Variants in PCDHGA2 observed in about 807,000 individuals in gnomAD.
PCDHGA2 encodes the protein protocadherin gamma subfamily A, 2, also known as protocadherin gamma-A2.
PCDHGA2 carries 40 observed loss-of-function variants against 59.2 expected under a neutral mutation model. The observed-to-expected ratio is 0.68, with a 90% CI of 0.52 to 0.88. PCDHGA2 has a LOEUF of 0.88. Among genes scored for constraint, PCDHGA2 ranks in the 40% least tolerant of loss-of-function variants. PCDHGA2 has a pLI of 0.00. For missense variants in PCDHGA2, 1,226 were observed against 1,204.0 expected (o/e 1.02, Z -0.27); for synonymous variants, 560 against 526.0 (o/e 1.06, Z -0.89).
rs751254595 is a variant in PCDHGA2, at chr5:141,340,295, G to A, written c.1324G>A (p.Val442Met). Residue 442 changes from valine to methionine, a missense_variant, in exon 1 of 4, where the codon GTG (valine) becomes ATG (methionine). Coordinates refer to ENST00000394576, the MANE Select transcript of PCDHGA2 (RefSeq NM_018915.4). ...CACGGATGCTCACATTTTGCTCCAG[G>A]TGGCAGACATCAACGACAACGCACC... ...LSTDAHILLQ[V>M]ADINDNAPAF... is the part of the protein sequence containing the mutation. 2 of 1,614,014 alleles carry A rather than the reference G, an allele frequency of 1.2e-6. No homozygotes were observed. The highest frequency in any genetic ancestry group is 1.7e-6 in the Non-Finnish European group (2 of 1,180,044).
intron 1 of PCDHGA2, chr5:141,359,976 C>G (rs1462412322): frequency 1.3e-6 from 1 of 793,442 alleles, no homozygotes; most frequent in Admixed American, 3.6e-5. Flanking sequence ...GTTTGGGAGC[C>G]TCTTAGAGGG....
chr5:141,398,448 G>A lies in PCDHGA2; in HGVS notation c.2424+57053G>A, dbSNP rs1213915296. On this transcript the variant is annotated intron_variant, in intron 1 of 3. Coordinates refer to ENST00000394576, the MANE Select transcript of PCDHGA2 (RefSeq NM_018915.4). ...AGCCAGCTTGTGCTCTGGAATTTGAGGCTGTTGCTGAAAATCCACTGAACT... is the reference window on the plus strand; with the variant it reads ...AGCCAGCTTGTGCTCTGGAATTTGAAGCTGTTGCTGAAAATCCACTGAACT... 2.5e-6 allele frequency: 4 copies of A among 1,574,288 alleles called. No individual in the cohort carries two copies. In the Middle Eastern group the frequency reaches 5.2e-4, roughly 203 times the overall value.
rs769153122 is a variant in PCDHGA2 at position 141,485,243 on chromosome 5, C to T, written c.2425-9564C>T. 8 of 1,614,062 alleles carry T rather than the reference C, an allele frequency of 5.0e-6. No homozygotes were observed. In the Admixed American group the frequency reaches 1.2e-4, roughly 24 times the overall value. ...TACCCTTTTGTTCCTCTTTTACCACCTGGGTTACGTTTGTGGGCAGATCCG... is the reference window on the plus strand; with the variant it reads ...TACCCTTTTGTTCCTCTTTTACCACTTGGGTTACGTTTGTGGGCAGATCCG... On this transcript the variant is annotated intron_variant, in intron 1 of 3. Transcript: ENST00000394576. The surrounding 1 kb of genome is among the most constrained non-coding windows in gnomAD (Gnocchi z 5.7).
intron 2 of PCDHGA2, among the ~76,000 whole-genome samples, chr5:141,502,866 C>CTCTTTTTT (rs1554188502): frequency 2.3e-5 from 3 of 128,046 alleles, no homozygotes; most frequent in Non-Finnish European, 3.2e-5. Flanking sequence ...GACTCTCTGT[C>CTCTTTTTT]TTTTTTTTTT....
chr5:141,404,490 T>G lies in PCDHGA2; in HGVS notation c.2424+63095T>G, dbSNP rs748668164. On this transcript the variant is annotated intron_variant, in intron 1 of 3. Transcript: ENST00000394576. Reference sequence around the variant, plus strand: ...GTCTCTATTAACTCAGACACTGGTGTGCTGTATGCTCTGTGCTCCTTTGAC... The same window carrying G: ...GTCTCTATTAACTCAGACACTGGTGGGCTGTATGCTCTGTGCTCCTTTGAC... 10 of 1,613,632 alleles carry G rather than the reference T, an allele frequency of 6.2e-6. No homozygotes were observed. The Admixed American group carries it at 1.2e-4, about 19-fold the overall frequency.
chr5:141,467,095 C>G (rs930625426), intron 1 of PCDHGA2, among the ~76,000 whole-genome samples: 2 of 150,094 alleles, frequency 1.3e-5, no homozygotes, highest in African/African-American at 4.9e-5. Context: ...CTCTGTCACA[C>G]AGGCTGGAGT....
intron 1 of PCDHGA2, chr5:141,372,314 G>A (rs369724462): frequency 7.7e-5 from 125 of 1,613,460 alleles, no homozygotes; most frequent in Non-Finnish European, 1.0e-4. Context: ...CCGCCCGCCA[G>A]CGCCTGCTGG....
At position 141,431,245 on chromosome 5, in the gene PCDHGA2, C is replaced by T; in HGVS notation, c.2425-63562C>T. The T allele has an allele frequency of 1.2e-6, 2 of 1,614,134 alleles. No individual in the cohort carries two copies. The highest frequency in any genetic ancestry group is 1.7e-6 in the Non-Finnish European group (2 of 1,180,038). ...TACCCCACGCCTGGGATCCGGATATCGGGAAGAACTCTCTGCAGAGCTACG... is the reference window on the plus strand; with the variant it reads ...TACCCCACGCCTGGGATCCGGATATTGGGAAGAACTCTCTGCAGAGCTACG... On this transcript the variant is annotated intron_variant, in intron 1 of 3. Transcript: ENST00000394576. This position sits in a 1 kb window ranked among gnomAD's most constrained non-coding sequence, Gnocchi z 4.8.
In PCDHGA2 at chr5:141,512,133, G is replaced by A. The variant is rs1394116556; in HGVS notation, c.*960G>A. ...CCACTACATAATAGGGCTCAGCCCA[G>A]GCAGCCAGCTTTGGGCTGAGCTAAC... On this transcript the variant is annotated 3_prime_UTR_variant, in exon 4 of 4. Coordinates refer to ENST00000394576, the MANE Select transcript of PCDHGA2 (RefSeq NM_018915.4). 3 of 152,708 alleles carry A rather than the reference G, an allele frequency of 2.0e-5. No homozygotes were observed. Among genetic ancestry groups the A allele is most frequent in the Non-Finnish European group, 2.9e-5 (2 of 68,102 alleles). 9.5% of individuals were successfully genotyped at this position (152,708 alleles called of 1,614,324 possible).
rs965293763 is a variant in PCDHGA2 at position 141,372,242 on chromosome 5, G to A, written c.2424+30847G>A. 2.5e-6 allele frequency: 4 copies of A among 1,613,274 alleles called. No individual in the cohort carries two copies. The South Asian group carries it at 3.3e-5, about 13-fold the overall frequency. ...TTGTGCAGGCCAGCGAGCCCGGGCT[G>A]TTCAGCCTGGGCCTGCGCACGGGTG... On this transcript the variant is annotated intron_variant, in intron 1 of 3. Coordinates refer to ENST00000394576, the MANE Select transcript of PCDHGA2 (RefSeq NM_018915.4).
At chr5:141,455,292 G>A (rs2098818902) in intron 1 of PCDHGA2, among the ~76,000 whole-genome samples, 1 of 152,068 alleles carries the variant, frequency 6.6e-6, no homozygotes, top group East Asian at 1.9e-4. Context: ...ACTTTACATA[G>A]TTTCATCTTG....
chr5:141,394,667 G>C, intron 1 of PCDHGA2: 5 of 1,613,252 alleles, frequency 3.1e-6, no homozygotes, highest in Non-Finnish European at 4.2e-6. Flanking sequence ...GACTCTTCTC[G>C]GTGGGTCTGC....
chr5:141,417,618 G>A (rs370911891), intron 1 of PCDHGA2: 3 of 654,230 alleles, frequency 4.6e-6, no homozygotes, highest in Non-Finnish European at 7.4e-6. Context: ...CCAGTGCAGA[G>A]CAAGCGCTGA....
chr5:141,376,254 T>C (rs745835885), intron 1 of PCDHGA2: 3 of 1,614,098 alleles, frequency 1.9e-6, no homozygotes, highest in Non-Finnish European at 2.5e-6. Context: ...AAGTCACGCC[T>C]GCTGCAGGCT....
intron 1 of PCDHGA2, chr5:141,351,833 G>C (rs970318141): frequency 6.2e-7 from 1 of 1,613,230 alleles, no homozygotes; most frequent in Non-Finnish European, 8.5e-7. Flanking sequence ...GCGCGCCTTC[G>C]AGCTCACACT....
chr5:141,404,177 A>C, intron 1 of PCDHGA2: 1 of 1,613,448 alleles, frequency 6.2e-7, no homozygotes, highest in Non-Finnish European at 8.5e-7. Context: ...GACGGCCCAA[A>C]TTCTTGACCG....
At chr5:141,370,756 T>G in intron 1 of PCDHGA2, 1 of 1,613,974 alleles carries the variant, frequency 6.2e-7, no homozygotes, top group Non-Finnish European at 8.5e-7. Flanking sequence ...CATGTAACTG[T>G]GCTGATCCAG....
At chr5:141,456,599 A>T (rs2098870253) in intron 1 of PCDHGA2, among the ~76,000 whole-genome samples, 1 of 152,174 alleles carries the variant, frequency 6.6e-6, no homozygotes, top group African/African-American at 2.4e-5. Flanking sequence ...TTTTGATTTG[A>T]TTTTTAAGTC....
rs1193465269 is a variant in PCDHGA2 at position 141,467,055 on chromosome 5, C to CT, written c.2425-27736dup. Among the ~76,000 whole-genome samples, 814 of 134,448 alleles carry CT rather than the reference C, an allele frequency of 6.1e-3. 10 individuals carry two copies. Among genetic ancestry groups the CT allele is most frequent in the African/African-American group, 0.018 (656 of 36,920 alleles). The allele number at this position is 134,448 out of a possible 152,430, so 88.2% of individuals were successfully genotyped here. A position where few individuals can be genotyped will look rare whatever the true frequency, so the allele number is the denominator to read the frequency against. Reference sequence around the variant, plus strand: ...TTTTTGTGTAATGAATCAATGTTTTCTTTTTTTTTTTTTTTTAGACCAAGT... The same window carrying CT: ...TTTTTGTGTAATGAATCAATGTTTTCTTTTTTTTTTTTTTTTTAGACCAAGT... On this transcript the variant is annotated intron_variant, in intron 1 of 3. Coordinates refer to ENST00000394576, the MANE Select transcript of PCDHGA2 (RefSeq NM_018915.4).
Sources: gnomAD v4.1 joint callset for allele counts (sites outside exome capture counted in the v4.1 genomes callset) on GRCh38, gnomAD v4.1.1 for gene constraint, Gnocchi (gnomAD v3.1) non-coding constraint, MANE v1.5 for transcripts, NCBI Gene and HGNC (gene_info 2026-07-23, HGNC 2026-07-21) for gene names.